The following CTNNA2 variants were observed in gnomAD, a reference collection of about 807,000 sequenced individuals.
CTNNA2 encodes the protein catenin alpha 2.
A neutral mutation model predicts 101.0 loss-of-function variants in CTNNA2; 42 were observed. The observed-to-expected ratio is 0.42, with a 90% confidence interval of 0.32 to 0.54. The LOEUF (loss-of-function observed/expected upper bound fraction) is 0.54. CTNNA2 is among the 20% of genes least tolerant of loss of function. The pLI is 0.14. For synonymous variants in CTNNA2, 450 were observed against 456.4 expected (o/e 0.99, Z 0.18); for missense variants, 871 against 1,223.1 (o/e 0.71, Z 4.29).
chr2:80,408,601 A>G (rs1679273854), intron 8 of CTNNA2, among the ~76,000 whole-genome samples: 1 of 152,210 alleles, frequency 6.6e-6, no homozygotes, highest in Admixed American at 6.5e-5. Flanking sequence ...GCTTGTGCCT[A>G]TTCACCACCA....
At chr2:79,236,861 C>T (rs1461182189) in intron 2 of CTNNA2, among the ~76,000 whole-genome samples, 2 of 152,140 alleles carry the variant, frequency 1.3e-5, no homozygotes, top group Admixed American at 1.3e-4. Flanking sequence ...AATTATAGTT[C>T]CCTTGCTATT....
intron 6 of CTNNA2, among the ~76,000 whole-genome samples, chr2:79,900,410 A>G (rs1415316383): frequency 1.3e-5 from 2 of 152,234 alleles, no homozygotes; most frequent in African/African-American, 4.8e-5. Context: ...AACATAATGA[A>G]TAAAATAAAA....
chr2:80,450,688 C>T (rs1683425456), intron 9 of CTNNA2, among the ~76,000 whole-genome samples: 1 of 152,116 alleles, frequency 6.6e-6, no homozygotes, highest in South Asian at 2.1e-4. Flanking sequence ...CAGATGCTTC[C>T]TTGAATCTCC....
intron 1 of CTNNA2, among the ~76,000 whole-genome samples, chr2:79,518,963 T>C (rs1319944056): frequency 6.6e-6 from 1 of 152,082 alleles, no homozygotes; most frequent in Non-Finnish European, 1.5e-5. Flanking sequence ...GCGCAGTGTC[T>C]CATGCCTGTA....
chr2:79,461,959 A>G (rs966085531), intron 4 of CTNNA2, among the ~76,000 whole-genome samples: 3 of 152,054 alleles, frequency 2.0e-5, no homozygotes, highest in African/African-American at 7.2e-5. Context: ...TTAATTAAAG[A>G]GAAAATGTTG....
intron 9 of CTNNA2, 74 bp downstream of exon 9, chr2:80,419,675 C>A: frequency 7.0e-7 from 1 of 1,429,258 alleles, no homozygotes; most frequent in Non-Finnish European, 9.6e-7. Flanking sequence ...TAGAATTTCA[C>A]TAGAGAGATA....
intron 3 of CTNNA2, among the ~76,000 whole-genome samples, chr2:79,767,523 C>G (rs752471587): frequency 6.6e-6 from 1 of 152,046 alleles, no homozygotes; most frequent in African/African-American, 2.4e-5. Context: ...GAAAAAACTT[C>G]GTTGTAGTGA....
At chr2:80,479,555 T>G (rs998333037) in intron 9 of CTNNA2, among the ~76,000 whole-genome samples, 1 of 152,140 alleles carries the variant, frequency 6.6e-6, no homozygotes, top group African/African-American at 2.4e-5. Context: ...TTTAGAGGGC[T>G]TTTATATATA....
intron 7 of CTNNA2, among the ~76,000 whole-genome samples, chr2:80,221,031 G>A (rs534478669): frequency 2.0e-5 from 3 of 152,180 alleles, no homozygotes; most frequent in Non-Finnish European, 2.9e-5. Flanking sequence ...ACAGGCACCC[G>A]CCAAGCATGC....
chr2:79,453,471 G>C (rs1670779424), intron 4 of CTNNA2, among the ~76,000 whole-genome samples: 2 of 152,092 alleles, frequency 1.3e-5, no homozygotes, highest in South Asian at 4.1e-4. Flanking sequence ...AAAAATTTGT[G>C]CCAACAGATA....
intron 7 of CTNNA2, among the ~76,000 whole-genome samples, chr2:80,110,180 G>A (rs1030350784): frequency 6.6e-6 from 1 of 152,152 alleles, no homozygotes; most frequent in Non-Finnish European, 1.5e-5. Context: ...TGCCCAGTCA[G>A]ACCCTGGGAA....
chr2:80,259,537 G>A (rs570159089), intron 7 of CTNNA2, among the ~76,000 whole-genome samples: 22 of 152,152 alleles, frequency 1.4e-4, no homozygotes, highest in Admixed American at 6.5e-4. Context: ...CGCCTCTCCC[G>A]CAGTCCTAAG....
chr2:79,191,175 G>C (rs978953455), intron 1 of CTNNA2, among the ~76,000 whole-genome samples: 9 of 152,220 alleles, frequency 5.9e-5, no homozygotes, highest in Non-Finnish European at 1.0e-4. Flanking sequence ...GAAATGAGCT[G>C]CAAGTGCTGT....
At chr2:79,878,855 T>C (rs1206645238) in intron 6 of CTNNA2, among the ~76,000 whole-genome samples, 2 of 152,220 alleles carry the variant, frequency 1.3e-5, no homozygotes, top group African/African-American at 4.8e-5. Flanking sequence ...TTGGCTTTTG[T>C]TGCAATTGCT....
At chr2:79,344,063 T>C (rs1304531309) in intron 3 of CTNNA2, among the ~76,000 whole-genome samples, 1 of 152,152 alleles carries the variant, frequency 6.6e-6, no homozygotes, top group Admixed American at 6.5e-5. Flanking sequence ...CTCTTGTAGG[T>C]TGCCAGTCCT....
chr2:80,619,003 T>A, intron 17 of CTNNA2, 82 bp from the exon 18 acceptor site: 1 of 956,154 alleles, frequency 1.0e-6, no homozygotes, highest in African/African-American at 1.7e-5. Context: ...CACTCCCTAA[T>A]CCCTTCCCAA....
chr2:79,930,288 G>A (rs59095563), intron 7 of CTNNA2, among the ~76,000 whole-genome samples: 1,645 of 69,834 alleles, frequency 0.024, 14 homozygotes, highest in Middle Eastern at 0.037. Flanking sequence ...GAGAGAGAGA[G>A]AGAAAGAGAA....
At chr2:80,044,434 A>G (rs1003801289) in intron 7 of CTNNA2, among the ~76,000 whole-genome samples, 1 of 152,194 alleles carries the variant, frequency 6.6e-6, no homozygotes, top group Non-Finnish European at 1.5e-5. Context: ...ATATATTACC[A>G]TGGTTTTATA....
At chr2:80,636,124 A>C (rs1227219410) in intron 18 of CTNNA2, among the ~76,000 whole-genome samples, 1 of 151,960 alleles carries the variant, frequency 6.6e-6, no homozygotes, top group African/African-American at 2.4e-5. Flanking sequence ...TTGGTTAGTA[A>C]ATGTGTGCAG....
Sources: allele counts gnomAD v4.1 joint callset (sites outside exome capture counted in the v4.1 genomes callset), GRCh38; gene constraint gnomAD v4.1.1; transcripts MANE v1.5; gene names NCBI Gene and HGNC (gene_info 2026-07-23, HGNC 2026-07-21).